The following SETBP1 variants were observed in gnomAD, a reference collection of about 807,000 sequenced individuals.
The protein encoded by SETBP1 is SET binding protein 1.
SETBP1 carries 9 observed loss-of-function variants against 101.0 expected under a neutral mutation model. The observed-to-expected ratio is 0.09, with a 90% CI of 0.05 to 0.16. SETBP1 has a LOEUF of 0.16. SETBP1 is among the 10% of genes least tolerant of loss of function. The pLI is 1.00. For missense variants in SETBP1, 1,858 were observed against 2,033.8 expected (o/e 0.91, Z 1.66); for synonymous variants, 818 against 788.5 (o/e 1.04, Z -0.63).
At chr18:44,871,461 C>T (rs1467528047) in intron 3 of SETBP1, 1 of 152,158 alleles carries the variant, frequency 6.6e-6, no homozygotes, top group Non-Finnish European at 1.5e-5. Context: ...ACTGAGGACC[C>T]CTCCCAGGGA....
chr18:44,805,099 G>A (rs2071698889), intron 2 of SETBP1, among the ~76,000 whole-genome samples: 1 of 151,950 alleles, frequency 6.6e-6, no homozygotes, highest in South Asian at 2.1e-4. Flanking sequence ...CAGGCTGTTT[G>A]CAGTCCCTAC....
chr18:44,848,033 C>T (rs117729718), intron 2 of SETBP1, among the ~76,000 whole-genome samples: 128 of 152,034 alleles, frequency 8.4e-4, no homozygotes, highest in Non-Finnish European at 4.4e-4. Context: ...GGCCAGACCT[C>T]ACCCTAGATA....
chr18:44,858,827 T>C (rs961151657), intron 2 of SETBP1, among the ~76,000 whole-genome samples: 1 of 152,210 alleles, frequency 6.6e-6, no homozygotes, highest in South Asian at 2.1e-4. Context: ...ACTTGGGATT[T>C]TCTACTTCTC....
intron 3 of SETBP1, among the ~76,000 whole-genome samples, chr18:44,886,245 C>T (rs949863438): frequency 1.3e-5 from 2 of 152,102 alleles, no homozygotes; most frequent in African/African-American, 4.8e-5. Context: ...TGAATGATGC[C>T]TCAGAAGCCT....
intron 1 of SETBP1, among the ~76,000 whole-genome samples, chr18:44,685,168 G>A (rs565872762): frequency 6.6e-6 from 1 of 152,244 alleles, no homozygotes; most frequent in East Asian, 1.9e-4. Context: ...TGACCCTCAG[G>A]TAGGCAGAGG....
At chr18:44,868,667 CGAGAGA>C (rs147824825) in intron 2 of SETBP1, among the ~76,000 whole-genome samples, 11,771 of 86,874 alleles carry the variant, frequency 0.14, 734 homozygotes, top group East Asian at 0.23. Context: ...TGTACTCCAG[CGAGAGA>C]GAGAGAGAGA....
At chr18:44,793,462 C>T (rs986305143) in intron 2 of SETBP1, among the ~76,000 whole-genome samples, 1 of 152,130 alleles carries the variant, frequency 6.6e-6, no homozygotes, top group African/African-American at 2.4e-5. Flanking sequence ...AGTGTGGTCT[C>T]AGGACCAGAA....
At chr18:44,753,512 G>A (rs934953873) in intron 2 of SETBP1, among the ~76,000 whole-genome samples, 3 of 152,180 alleles carry the variant, frequency 2.0e-5, no homozygotes, top group Admixed American at 6.5e-5. Context: ...ACAAATAATA[G>A]AAATACACCA....
intron 2 of SETBP1, among the ~76,000 whole-genome samples, chr18:44,714,444 C>T (rs540726767): frequency 3.9e-5 from 6 of 152,218 alleles, no homozygotes; most frequent in South Asian, 2.1e-4. Flanking sequence ...TCAGATGATC[C>T]GCCCGCCTTG....
chr18:45,055,396 T>C (rs565710739), intron 5 of SETBP1, among the ~76,000 whole-genome samples: 2 of 152,204 alleles, frequency 1.3e-5, no homozygotes, highest in African/African-American at 4.8e-5. Context: ...AAACTTGAAA[T>C]ACATTATATT....
At chr18:45,023,606 G>A (rs903336321) in intron 4 of SETBP1, among the ~76,000 whole-genome samples, 1 of 152,214 alleles carries the variant, frequency 6.6e-6, no homozygotes, top group Non-Finnish European at 1.5e-5. Context: ...GCTTATTGGG[G>A]TTCCAGCGTT....
intron 2 of SETBP1, among the ~76,000 whole-genome samples, chr18:44,755,750 C>T (rs935728015): frequency 6.6e-6 from 1 of 152,104 alleles, no homozygotes; most frequent in Non-Finnish European, 1.5e-5. Context: ...TGTTTGTAAT[C>T]ATGTGAGCCA....
intron 4 of SETBP1, among the ~76,000 whole-genome samples, chr18:44,965,284 A>ACACACACAC (rs76103547): frequency 6.8e-6 from 1 of 147,026 alleles, no homozygotes. Context: ...CATGCACACA[A>ACACACACAC]ACACACACAC....
chr18:44,869,479 T>G (rs1009435209), intron 3 of SETBP1, 196 bp downstream of exon 3: 6 of 626,396 alleles, frequency 9.6e-6, no homozygotes, highest in African/African-American at 9.2e-5. Flanking sequence ...CAAAACCACC[T>G]CTTTCTGCTC....
At chr18:44,934,581 G>A (rs1196092283) in intron 3 of SETBP1, among the ~76,000 whole-genome samples, 2 of 152,202 alleles carry the variant, frequency 1.3e-5, no homozygotes, top group East Asian at 3.8e-4. Context: ...ATTTCCCACT[G>A]TGTAGGAAAC....
At chr18:44,809,710 G>A (rs1004065867) in intron 2 of SETBP1, among the ~76,000 whole-genome samples, 1 of 152,188 alleles carries the variant, frequency 6.6e-6, no homozygotes, top group African/African-American at 2.4e-5. Context: ...GGAAGGAGGT[G>A]AGGGGTGAAA....
Position 44,750,601 on chromosome 18 carries a change from T to A in SETBP1, c.486+48769T>A, listed in dbSNP as rs188138270. Among the ~76,000 whole-genome samples the A allele has an allele frequency of 8.9e-3, 1,358 of 152,320 alleles. 9 individuals are homozygous for A. The highest frequency in any genetic ancestry group is 0.015 in the Non-Finnish European group (1,031 of 68,020). On this transcript the variant is annotated intron_variant, in intron 2 of 5. Coordinates refer to ENST00000649279, the MANE Select transcript of SETBP1 (RefSeq NM_015559.3). ...CTTGGGAGATGTTTTAGGGTCCAAGTATGGCAGTCATCCGATGGATGTTTT... is the reference window on the plus strand; with the variant it reads ...CTTGGGAGATGTTTTAGGGTCCAAGAATGGCAGTCATCCGATGGATGTTTT...
At chr18:44,799,396 T>G (rs1338743850) in intron 2 of SETBP1, among the ~76,000 whole-genome samples, 1 of 152,064 alleles carries the variant, frequency 6.6e-6, no homozygotes, top group Non-Finnish European at 1.5e-5. Context: ...GCCTTGCCTA[T>G]TAGATCCTGC....
chr18:44,775,161 G>C (rs886867150), intron 2 of SETBP1, among the ~76,000 whole-genome samples: 4 of 152,030 alleles, frequency 2.6e-5, no homozygotes, highest in African/African-American at 9.7e-5. Flanking sequence ...TGCTATTGGG[G>C]GTATAGTTTC....
Sources: gnomAD v4.1 joint callset for allele counts (sites outside exome capture counted in the v4.1 genomes callset) on GRCh38, gnomAD v4.1.1 for gene constraint, MANE v1.5 for transcripts, NCBI Gene and HGNC (gene_info 2026-07-23, HGNC 2026-07-21) for gene names.